The following CBR4 variants were observed in gnomAD, a reference collection of about 807,000 sequenced individuals.
The protein encoded by CBR4 is carbonyl reductase 4.
A neutral mutation model predicts 21.0 loss-of-function variants in CBR4; 22 were observed. The observed-to-expected ratio is 1.05, with a 90% confidence interval of 0.75 to 1.50. The LOEUF (loss-of-function observed/expected upper bound fraction) is 1.50, where lower values mean the gene tolerates loss of function less well. Ranked by LOEUF, CBR4 falls within the 40% of genes most tolerant of loss-of-function variation. The pLI, the probability that CBR4 is intolerant of heterozygous loss-of-function variation, is 0.00. For missense variants in CBR4, 302 were observed against 286.3 expected (o/e 1.05, Z -0.40); for synonymous variants, 100 against 104.4 (o/e 0.96, Z 0.26).
intron 3 of CBR4, chr4:169,005,990 A>G: frequency 9.9e-7 from 1 of 1,010,330 alleles, no homozygotes; most frequent in South Asian, 1.3e-5. Flanking sequence ...CTGAAATAAA[A>G]TTTCAAGTCA....
chr4:168,898,434 AG>A (rs1454274214), intron 2 of CBR4: 3 of 1,054,402 alleles, frequency 2.8e-6, no homozygotes, highest in Non-Finnish European at 4.5e-6. Context: ...GGGCAGGGAG[AG>A]ACGTGACACT....
At chr4:168,990,583 T>C (rs1226117555) in intron 4 of CBR4, among the ~76,000 whole-genome samples, 5 of 151,926 alleles carry the variant, frequency 3.3e-5, no homozygotes, top group Non-Finnish European at 7.4e-5. Flanking sequence ...ACTATAGGCA[T>C]GCACCACCAC....
chr4:168,936,173 G>A (rs1763106463), intron 2 of CBR4, among the ~76,000 whole-genome samples: 1 of 152,228 alleles, frequency 6.6e-6, no homozygotes, highest in African/African-American at 2.4e-5. Flanking sequence ...AACTCCAGCA[G>A]ACCTGCAGTA....
At chr4:168,996,186 G>A in intron 4 of CBR4, among the ~76,000 whole-genome samples, 1 of 152,174 alleles carries the variant, frequency 6.6e-6, no homozygotes, top group Non-Finnish European at 1.5e-5. Context: ...AAGTAAAGTG[G>A]GTGAGAGAGG....
intron 2 of CBR4, chr4:168,927,216 G>C (rs1762679527): frequency 4.3e-6 from 1 of 231,006 alleles, no homozygotes; most frequent in Admixed American, 5.6e-5. Context: ...GGAGTAGGGA[G>C]GAGAATGAAG....
chr4:168,916,966 G>A (rs760275174), intron 2 of CBR4, among the ~76,000 whole-genome samples: 3 of 150,832 alleles, frequency 2.0e-5, no homozygotes, highest in Non-Finnish European at 2.9e-5. Context: ...ACAGTGCCCC[G>A]CCCCCATTTT....
intron 4 of CBR4, among the ~76,000 whole-genome samples, chr4:168,997,922 G>C (rs112548000): frequency 6.6e-6 from 1 of 152,058 alleles, no homozygotes; most frequent in Non-Finnish European, 1.5e-5. Context: ...TTACCAAAAA[G>C]CTAAACCAAG....
At chr4:168,939,701 G>T (rs1374567297) in intron 2 of CBR4, among the ~76,000 whole-genome samples, 1 of 152,094 alleles carries the variant, frequency 6.6e-6, no homozygotes, top group East Asian at 1.9e-4. Context: ...GCTACAAAGA[G>T]AATAAAATAC....
At chr4:168,903,676 C>A (rs1757024306) in intron 2 of CBR4, 7 of 1,172,634 alleles carry the variant, frequency 6.0e-6, no homozygotes, top group South Asian at 1.2e-5. Flanking sequence ...CTCTGCAAAC[C>A]ACACTGTTAC....
At chr4:168,955,306 C>T (rs1763652635) in intron 2 of CBR4, among the ~76,000 whole-genome samples, 1 of 151,854 alleles carries the variant, frequency 6.6e-6, no homozygotes, top group African/African-American at 2.4e-5. Flanking sequence ...GGGGCTAATA[C>T]CAAATGAATC....
chr4:168,894,498 G>C, intron 3 of CBR4: 2 of 844,276 alleles, frequency 2.4e-6, no homozygotes, highest in Admixed American at 3.9e-5. Context: ...AAAGTGTGTT[G>C]TTTTTTACTC....
intron 2 of CBR4, chr4:168,926,477 C>A: frequency 2.4e-6 from 2 of 825,578 alleles, no homozygotes; most frequent in Non-Finnish European, 3.6e-6. Context: ...CAGAAACATA[C>A]CTTTGACTAT....
At position 168,924,413 on chromosome 4, in the gene CBR4, C is replaced by A. The variant is rs1278588804; in HGVS notation, n.170-29648G>T. 1 of 1,613,018 alleles carries A rather than the reference C, an allele frequency of 6.2e-7. No homozygotes were observed. The highest frequency in any genetic ancestry group is 1.3e-5 in the African/African-American group (1 of 74,854). On this transcript the variant is annotated intron_variant and non_coding_transcript_variant, in intron 2 of 3. Coordinates refer to the CBR4 transcript ENST00000509108. ...TGAATCACTCACTCACAGCACTGAC[C>A]GAGTGAGGTAAGACTGCACAATGAG...
chr4:168,913,818 G>T, intron 2 of CBR4: 1 of 823,668 alleles, frequency 1.2e-6, no homozygotes. Context: ...ATGGCATACT[G>T]AATTTTTTAT....
intron 2 of CBR4, among the ~76,000 whole-genome samples, chr4:168,947,202 C>T (rs1763417216): frequency 6.6e-6 from 1 of 151,764 alleles, no homozygotes; most frequent in Non-Finnish European, 1.5e-5. Context: ...TTGGTTTACC[C>T]GTTTTAAAAT....
chr4:169,007,226 T>C (rs1245172979), intron 2 of CBR4, among the ~76,000 whole-genome samples: 1 of 152,058 alleles, frequency 6.6e-6, no homozygotes, highest in Admixed American at 6.5e-5. Context: ...AGAAAATTAA[T>C]ATGTTATCTA....
intron 2 of CBR4, among the ~76,000 whole-genome samples, chr4:168,929,995 T>C (rs1762924387): frequency 6.6e-6 from 1 of 152,142 alleles, no homozygotes; most frequent in African/African-American, 2.4e-5. Flanking sequence ...AGAATTTCCT[T>C]CAATTATGAA....
chr4:168,993,230 A>G (rs1227785854), intron 4 of CBR4, among the ~76,000 whole-genome samples: 2 of 120,032 alleles, frequency 1.7e-5, no homozygotes, highest in African/African-American at 7.1e-5. Context: ...TTTTTTTTTG[A>G]GACAAGAGTC....
intron 2 of CBR4, among the ~76,000 whole-genome samples, chr4:168,952,812 A>AG (rs1287527795): frequency 1.3e-5 from 2 of 152,168 alleles, no homozygotes; most frequent in African/African-American, 4.8e-5. Flanking sequence ...CTGTTCCGGT[A>AG]GAGGTGGCAG....
Sources: gnomAD v4.1 joint callset for allele counts (sites outside exome capture counted in the v4.1 genomes callset) on GRCh38, gnomAD v4.1.1 for gene constraint, MANE v1.5 for transcripts, NCBI Gene and HGNC (gene_info 2026-07-23, HGNC 2026-07-21) for gene names.